The following DNAH8 variants were observed in gnomAD, a reference collection of about 807,000 sequenced individuals.
The protein encoded by DNAH8 is dynein axonemal heavy chain 8.
DNAH8 carries 382 observed loss-of-function variants against 562.1 expected under a neutral mutation model. The ratio of observed to expected loss-of-function variants is 0.68; its 90% CI spans 0.63 to 0.74. The LOEUF is 0.74. DNAH8 is among the 30% of genes least tolerant of loss of function. DNAH8 has a pLI of 0.00. For missense variants in DNAH8, 5,203 were observed against 5,620.4 expected, an observed-to-expected ratio of 0.93 and a Z score of 2.37; for synonymous variants, 1,881 against 1,919.4, an observed-to-expected ratio of 0.98 and a Z score of 0.52.
intron 88 of DNAH8, among the ~76,000 whole-genome samples, chr6:39,003,099 C>G (rs1217147372): frequency 6.6e-6 from 1 of 152,196 alleles, no homozygotes; most frequent in Non-Finnish European, 1.5e-5. Context: ...CCACACGCAG[C>G]TTTTTCATAA....
In DNAH8 at chr6:38,931,960, G is replaced by T; in HGVS notation, c.11424G>T (p.Gln3808His). The change falls in exon 76 of 93, where the codon CAG becomes CAT. Residue 3808 changes from glutamine (Q) to histidine (H), a missense_variant. Physicochemically the swap from Gln to His is conservative, Grantham distance 24. This residue lies in a region of DNAH8 where 1,399 missense variants were observed against 1,518.4 expected (regional missense o/e 0.92). Coordinates refer to ENST00000327475, the MANE Select transcript of DNAH8 (RefSeq NM_001206927.2). ...FTVTMKGLEN[Q>H]LLRRVILTEK... The stretch of plus-strand genomic sequence containing the variant: ...TTACAATGAAAGGACTTGAGAATCA[G>T]TTACTAAGGAGAGTCATTCTAACAG... The T allele has an allele frequency of 6.2e-7, 1 of 1,606,518 alleles. No homozygotes were observed. Among genetic ancestry groups the T allele is most frequent in the Non-Finnish European group, 8.5e-7 (1 of 1,177,178 alleles).
chr6:39,004,547 A>T (rs867548253), intron 88 of DNAH8, among the ~76,000 whole-genome samples: 5 of 152,192 alleles, frequency 3.3e-5, no homozygotes, highest in Admixed American at 6.5e-5. Context: ...TTTGAAAAAC[A>T]GCTTTTATGA....
intron 88 of DNAH8, among the ~76,000 whole-genome samples, chr6:39,000,014 A>G (rs1036741415): frequency 6.6e-6 from 1 of 152,110 alleles, no homozygotes; most frequent in Non-Finnish European, 1.5e-5. Flanking sequence ...TTACCATAAG[A>G]AGGAATAAGT....
chr6:38,819,335 G>GA (rs1343066015), intron 26 of DNAH8, among the ~76,000 whole-genome samples: 2 of 152,184 alleles, frequency 1.3e-5, no homozygotes, highest in Non-Finnish European at 2.9e-5. Context: ...GATTAGAGAG[G>GA]TACCTAGAGA....
chr6:38,944,083 T>A (rs548389381), intron 79 of DNAH8, among the ~76,000 whole-genome samples: 2 of 152,156 alleles, frequency 1.3e-5, no homozygotes, highest in Non-Finnish European at 2.9e-5. Flanking sequence ...CAGGATTACA[T>A]GAAAACATTT....
chr6:38,984,995 G>T (rs1248421601), intron 87 of DNAH8, among the ~76,000 whole-genome samples: 2 of 152,026 alleles, frequency 1.3e-5, no homozygotes, highest in Non-Finnish European at 2.9e-5. Context: ...TCATTTCTCT[G>T]CCTCTTTCTC....
chr6:38,873,233 C>A lies in DNAH8; in HGVS notation c.7480-3C>A, dbSNP rs562630227. ...AAACACAGATTCTGTTTCTTTGTTG[C>A]AGGCATGGTTGAAGAAACGCACTGC... On this transcript the variant is annotated splice_region_variant and splice_polypyrimidine_tract_variant and intron_variant, in intron 51 of 92. Coordinates refer to ENST00000327475, the MANE Select transcript of DNAH8 (RefSeq NM_001206927.2). 1.2e-6 allele frequency: 2 copies of A among 1,612,386 alleles called. No individual in the cohort carries two copies. Among genetic ancestry groups the A allele is most frequent in the South Asian group, 2.2e-5 (2 of 90,562 alleles).
At chr6:38,909,827 G>A (rs1780751408) in intron 65 of DNAH8, 83 bp downstream of exon 65, 1 of 1,141,668 alleles carries the variant, frequency 8.8e-7, no homozygotes, top group Admixed American at 2.0e-5. Flanking sequence ...TCCAGCAGAA[G>A]ACTCTTTCTA....
intron 30 of DNAH8, among the ~76,000 whole-genome samples, chr6:38,829,057 G>A (rs1277940139): frequency 1.3e-5 from 2 of 152,100 alleles, no homozygotes; most frequent in African/African-American, 4.8e-5. Flanking sequence ...GTCCATGTGC[G>A]AGGACTTCAT....
intron 16 of DNAH8, among the ~76,000 whole-genome samples, chr6:38,782,287 A>G (rs1189451681): frequency 6.6e-6 from 1 of 151,318 alleles, no homozygotes. Flanking sequence ...ATATTTATTT[A>G]TTTATTTATT....
At chr6:38,879,419 G>A (rs1296009122) in intron 53 of DNAH8, among the ~76,000 whole-genome samples, 3 of 152,058 alleles carry the variant, frequency 2.0e-5, no homozygotes, top group Non-Finnish European at 4.4e-5. Flanking sequence ...TTCTAGAAAT[G>A]GAAGATCAAC....
chr6:38,741,950 T>C, intron 8 of DNAH8, 63 bp downstream of exon 8: 1 of 1,393,256 alleles, frequency 7.2e-7, no homozygotes, highest in South Asian at 1.4e-5. Context: ...AATTATCCTA[T>C]TGAACTACTT....
chr6:38,785,407 G>A (rs1048948870), intron 17 of DNAH8, among the ~76,000 whole-genome samples: 3 of 152,134 alleles, frequency 2.0e-5, no homozygotes, highest in Admixed American at 6.5e-5. Flanking sequence ...TGTTTTAGTT[G>A]TCTTGACCTT....
intron 80 of DNAH8, among the ~76,000 whole-genome samples, chr6:38,946,770 G>A (rs981879298): frequency 5.9e-5 from 9 of 151,808 alleles, no homozygotes; most frequent in Non-Finnish European, 1.2e-4. Flanking sequence ...AAATTGCACC[G>A]TTGCACTCCA....
intron 52 of DNAH8, among the ~76,000 whole-genome samples, chr6:38,873,991 T>C (rs890376314): frequency 6.6e-6 from 1 of 151,852 alleles, no homozygotes; most frequent in Non-Finnish European, 1.5e-5. Context: ...TAGCATTGTT[T>C]TTTCCCTTTC....
chr6:38,939,696 A>C (rs1367342088), intron 79 of DNAH8, among the ~76,000 whole-genome samples: 1 of 152,222 alleles, frequency 6.6e-6, no homozygotes, highest in African/African-American at 2.4e-5. Flanking sequence ...GTTTCTTAGA[A>C]AATATACCTT....
intron 31 of DNAH8, among the ~76,000 whole-genome samples, chr6:38,833,422 A>G (rs759547879): frequency 1.1e-4 from 17 of 151,628 alleles, no homozygotes; most frequent in African/African-American, 3.4e-4. Context: ...CCCTCATTCT[A>G]TTGTTAAAGT....
chr6:38,873,727 T>TACACACACACACACAC (rs762717515), intron 52 of DNAH8, among the ~76,000 whole-genome samples: 4 of 96,418 alleles, frequency 4.1e-5, no homozygotes, highest in Admixed American at 1.2e-4. Context: ...CACATACACC[T>TACACACACACACACAC]ACACACACAC....
intron 24 of DNAH8, among the ~76,000 whole-genome samples, chr6:38,809,116 T>C (rs951370760): frequency 6.1e-4 from 93 of 152,090 alleles, no homozygotes; most frequent in Admixed American, 4.6e-4. Flanking sequence ...AAAAATTGTG[T>C]TCCTTTTTTG....
Sources: gnomAD v4.1 joint callset for allele counts (sites outside exome capture counted in the v4.1 genomes callset) on GRCh38, gnomAD v4.1.1 for gene constraint, gnomAD v4.1.1 regional missense constraint, MANE v1.5 for transcripts, NCBI Gene and HGNC (gene_info 2026-07-23, HGNC 2026-07-21) for gene names.